Variants in DMD observed in about 807,000 individuals in gnomAD.
DMD encodes the protein dystrophin.
DMD carries 63 observed loss-of-function variants against 330.1 expected under a neutral mutation model. The observed-to-expected ratio is 0.19, with a 90% CI of 0.16 to 0.24. DMD has a LOEUF of 0.24. DMD is among the 10% of genes least tolerant of loss of function. The probability of loss-of-function intolerance (pLI) is 1.00; values close to 1 mark genes in which losing one functional copy is unlikely to be tolerated. For synonymous variants in DMD, 1,223 were observed against 959.8 expected (o/e 1.27, Z -5.07); for missense variants, 3,344 against 2,684.1 (o/e 1.25, Z -5.43).
chrX:31,361,770 C>CTT lies in DMD; in HGVS notation c.9085-13138_9085-13137dup, dbSNP rs1174751121. 7.3e-4 allele frequency among the ~76,000 whole-genome samples: 68 copies of CTT among 93,401 alleles called. 1 individual carries two copies. The highest frequency in any genetic ancestry group is 1.4e-3 in the African/African-American group (34 of 24,197). 81.1% of individuals were successfully genotyped at this position (93,401 alleles called of 115,157 possible). On this transcript the variant is annotated intron_variant, in intron 60 of 78. Coordinates refer to ENST00000357033, the MANE Select transcript of DMD (RefSeq NM_004006.3). ...CAACAAGTCATCATTCTCTTACCAT[C>CTT]TTTTTTTTTTTTTTTTTTTTGAGAC...
chrX:32,810,706 T>C (rs1039726230), intron 6 of DMD, among the ~76,000 whole-genome samples: 1 of 111,831 alleles, frequency 8.9e-6, no homozygotes, highest in Non-Finnish European at 1.9e-5. Context: ...CTCTCACTCT[T>C]GCCTGCGTTA....
chrX:32,644,786 G>A (rs1427552713), intron 10 of DMD, among the ~76,000 whole-genome samples, 178 bp downstream of exon 10: 1 of 111,553 alleles, frequency 9.0e-6, no homozygotes, highest in East Asian at 2.8e-4. Flanking sequence ...AGGTAGAAAT[G>A]CCTTCAATGG....
At chrX:31,575,651 C>T (rs1193174330) in intron 55 of DMD, among the ~76,000 whole-genome samples, 1 of 111,818 alleles carries the variant, frequency 8.9e-6, no homozygotes, top group African/African-American at 3.2e-5. Context: ...AAGTAAGTGC[C>T]AAGCTTATTG....
In DMD at chrX:33,133,872, A is replaced by G. The variant is rs371551922; in HGVS notation, c.31+77410T>C. Among the ~76,000 whole-genome samples, 12 of 111,980 alleles carry G rather than the reference A, an allele frequency of 1.1e-4. No individual in the cohort carries two copies. The East Asian group carries it at 3.1e-3, about 29-fold the overall frequency. Reference sequence around the variant, plus strand: ...GATACTGTTCTTTTATTTTGATTGCATATCTTTCCCATAGGGTTACAGCAA... The same window carrying G: ...GATACTGTTCTTTTATTTTGATTGCGTATCTTTCCCATAGGGTTACAGCAA... On this transcript the variant is annotated intron_variant, in intron 1 of 78. Coordinates refer to ENST00000357033, the MANE Select transcript of DMD (RefSeq NM_004006.3).
At chrX:33,057,222 T>A (rs769892285) in intron 1 of DMD, among the ~76,000 whole-genome samples, 2 of 95,280 alleles carry the variant, frequency 2.1e-5, no homozygotes, top group South Asian at 1.0e-3. Context: ...ATTATCATTT[T>A]AAAACACATA....
intron 51 of DMD, among the ~76,000 whole-genome samples, chrX:31,731,406 A>G (rs2086495360): frequency 9.0e-6 from 1 of 111,706 alleles, no homozygotes; most frequent in South Asian, 3.7e-4. Context: ...GTCATCTGTG[A>G]CATGGGAAGC....
At chrX:32,834,035 T>C (rs1242010089) in intron 4 of DMD, among the ~76,000 whole-genome samples, 1 of 111,387 alleles carries the variant, frequency 9.0e-6, no homozygotes, top group Non-Finnish European at 1.9e-5. Flanking sequence ...CGAGATTATG[T>C]TTGTATATTT....
At position 32,657,041 on chromosome X, in the gene DMD, T is replaced by TC. The variant is rs764845170; in HGVS notation, c.961-11890_961-11889insG. 8.4e-3 allele frequency among the ~76,000 whole-genome samples: 879 copies of TC among 105,101 alleles called. 9 individuals are homozygous for TC. The highest frequency in any genetic ancestry group is 0.03 in the African/African-American group (847 of 28,102). 91.3% of individuals were successfully genotyped at this position (105,101 alleles called of 115,157 possible). ...TGTGTGTGTGTGTGTGTGTGTGTGT[T>TC]TTCTTCCTCTAATTTCTCTAATTCT... On this transcript the variant is annotated intron_variant, in intron 9 of 78. Transcript: ENST00000357033.
chrX:32,935,459 T>A (rs895634968), intron 2 of DMD, among the ~76,000 whole-genome samples: 1 of 112,162 alleles, frequency 8.9e-6, no homozygotes, highest in Non-Finnish European at 1.9e-5. Flanking sequence ...TACATTATGT[T>A]TTTATGATTT....
At chrX:31,483,092 G>A (rs1448393960) in intron 57 of DMD, among the ~76,000 whole-genome samples, 1 of 98,742 alleles carries the variant, frequency 1.0e-5, no homozygotes, top group Non-Finnish European at 2.0e-5. Flanking sequence ...TGTCGCCCAG[G>A]CTGGAGTGCA....
chrX:32,517,714 G>A, intron 18 of DMD: 1 of 392,302 alleles, frequency 2.5e-6, no homozygotes, highest in Non-Finnish European at 4.4e-6. Flanking sequence ...AACAATATAT[G>A]AAAGGAATCA....
At chrX:33,058,354 G>A (rs1168699599) in intron 1 of DMD, among the ~76,000 whole-genome samples, 1 of 110,831 alleles carries the variant, frequency 9.0e-6, no homozygotes, top group Non-Finnish European at 1.9e-5. Flanking sequence ...GTGCAATCAC[G>A]GCTCCCTGCA....
rs761835866 is a variant in DMD at position 32,050,974 on chromosome X, C to CTTTTTTTTTTTTTTTTTTTTTTTTTTTT, written c.6439-82461_6439-82460insAAAAAAAAAAAAAAAAAAAAAAAAAAAA. Among the ~76,000 whole-genome samples the CTTTTTTTTTTTTTTTTTTTTTTTTTTTT allele has an allele frequency of 7.7e-4, 60 of 78,112 alleles. 2 individuals are homozygous for CTTTTTTTTTTTTTTTTTTTTTTTTTTTT. The highest frequency in any genetic ancestry group is 1.0e-3 in the Non-Finnish European group (44 of 42,719). 67.8% of individuals were successfully genotyped at this position (78,112 alleles called of 115,157 possible). ...TTACATTGCCTCAGGCTAACTTCCT[C>CTTTTTTTTTTTTTTTTTTTTTTTTTTTT]TTTTTTTTTTTTTCCCCCTAATAGA... On this transcript the variant is annotated intron_variant, in intron 44 of 78. Transcript: ENST00000357033.
intron 2 of DMD, among the ~76,000 whole-genome samples, chrX:32,948,903 C>T (rs1299241593): frequency 9.0e-6 from 1 of 111,362 alleles, no homozygotes; most frequent in Non-Finnish European, 1.9e-5. Context: ...ATGTGATTGT[C>T]TCAATTTTAG....
chrX:33,243,430 A>G (rs1428227481), intron 1 of DMD, among the ~76,000 whole-genome samples: 5 of 112,197 alleles, frequency 4.5e-5, no homozygotes, highest in African/African-American at 1.6e-4. Flanking sequence ...TGGAGAAAAG[A>G]CAATGCTTAA....
intron 62 of DMD, among the ~76,000 whole-genome samples, chrX:31,307,869 C>A (rs2055165520): frequency 9.0e-6 from 1 of 111,515 alleles, no homozygotes; most frequent in African/African-American, 3.3e-5. Flanking sequence ...AGACAGTGGT[C>A]CCCAGCCTTT....
chrX:33,047,711 C>T (rs777637246), intron 1 of DMD, among the ~76,000 whole-genome samples: 3 of 112,010 alleles, frequency 2.7e-5, no homozygotes, highest in East Asian at 5.6e-4. Flanking sequence ...TAAAACAAGG[C>T]ACTTAAATGT....
chrX:32,142,851 A>C lies in DMD; in HGVS notation c.6438+74065T>G, dbSNP rs754217255. On this transcript the variant is annotated intron_variant, in intron 44 of 78. Coordinates refer to ENST00000357033, the MANE Select transcript of DMD (RefSeq NM_004006.3). ...TAGTCATAAACACTAGCATCGTCATAATTGAAGAAATTACTGTCCATGGGA... is the reference window on the plus strand; with the variant it reads ...TAGTCATAAACACTAGCATCGTCATCATTGAAGAAATTACTGTCCATGGGA... 4.5e-5 allele frequency among the ~76,000 whole-genome samples: 5 copies of C among 112,111 alleles called. No homozygotes were observed. The South Asian group carries it at 1.8e-3, about 41-fold the overall frequency.
chrX:31,321,583 C>CAAA (rs1190446358), intron 62 of DMD, among the ~76,000 whole-genome samples: 116 of 10,443 alleles, frequency 0.011, 8 homozygotes, highest in African/African-American at 0.051. Context: ...AACTCCATCT[C>CAAA]AAAAAAAAAA....
Sources: gnomAD v4.1 joint callset for allele counts (sites outside exome capture counted in the v4.1 genomes callset) on GRCh38, gnomAD v4.1.1 for gene constraint, MANE v1.5 for transcripts, NCBI Gene and HGNC (gene_info 2026-07-23, HGNC 2026-07-21) for gene names.